The following DNM2 variants were observed in gnomAD, a reference collection of about 807,000 sequenced individuals.
The protein encoded by DNM2 is dynamin 2, also known as dynamin-2.
Under a neutral mutation model 99.0 loss-of-function variants are expected in DNM2, and 15 were observed. That is an observed-to-expected ratio of 0.15 (90% CI 0.10 to 0.23). The LOEUF (loss-of-function observed/expected upper bound fraction) is 0.23. Ranked by LOEUF, DNM2 falls within the 10% of genes least tolerant of loss-of-function variation. The probability of loss-of-function intolerance (pLI) is 1.00; values close to 1 mark genes in which losing one functional copy is unlikely to be tolerated. For missense variants in DNM2, 742 were observed against 1,189.4 expected (o/e 0.62, Z 5.53); for synonymous variants, 525 against 481.2 (o/e 1.09, Z -1.19).
intron 6 of DNM2, among the ~76,000 whole-genome samples, chr19:10,784,112 T>C (rs931555942): frequency 2.6e-5 from 4 of 152,156 alleles, no homozygotes; most frequent in African/African-American, 9.7e-5. Flanking sequence ...TCCTCCTCGC[T>C]GTTTTCTAGC....
At position 10,824,110 on chromosome 19, in the gene DNM2, G is replaced by A. The variant is rs570276655; in HGVS notation, c.1893+211G>A. On this transcript the variant is annotated intron_variant, in intron 17 of 20. Coordinates refer to ENST00000389253, the MANE Select transcript of DNM2 (RefSeq NM_001005361.3). ...TTCCCTCACGGAAGCCAGTGACCGG[G>A]GCACACAGGGGATGGGGTCCCACTT... The A allele has an allele frequency of 2.2e-4, 126 of 585,146 alleles. 2 individuals are homozygous for A. In the African/African-American group the frequency reaches 2.3e-3, roughly 11 times the overall value. The allele number at this position is 585,146 out of a possible 1,614,324, so 36.2% of individuals were successfully genotyped here.
At chr19:10,819,460 C>G (rs2072895116) in intron 15 of DNM2, among the ~76,000 whole-genome samples, 1 of 152,134 alleles carries the variant, frequency 6.6e-6, no homozygotes, top group South Asian at 2.1e-4. Context: ...GATAAAAGTT[C>G]CATTCACTTC....
intron 6 of DNM2, 48 bp downstream of exon 6, chr19:10,783,168 T>C (rs766371794): frequency 6.3e-7 from 1 of 1,598,794 alleles, no homozygotes; most frequent in Non-Finnish European, 8.5e-7. Context: ...GGCTGTGCAC[T>C]GCACAACAGC....
In DNM2 at chr19:10,718,408, G is replaced by C; in HGVS notation, c.161+5G>C. The C allele has an allele frequency of 6.8e-7, 1 of 1,467,270 alleles. No individual in the cohort carries two copies. The highest frequency in any genetic ancestry group is 1.4e-5 in the African/African-American group (1 of 69,090). 90.9% of individuals were successfully genotyped at this position (1,467,270 alleles called of 1,614,324 possible). ...GCTGGAGAACTTCGTGGGCCGGTGAGCGGGCGCGGCAGGGATCGCGGGCGG... is the reference window on the plus strand; with the variant it reads ...GCTGGAGAACTTCGTGGGCCGGTGACCGGGCGCGGCAGGGATCGCGGGCGG... On this transcript the variant is annotated splice_donor_5th_base_variant and intron_variant, in intron 1 of 20. Transcript: ENST00000389253.
intron 1 of DNM2, among the ~76,000 whole-genome samples, chr19:10,728,678 G>C (rs1026740282): frequency 6.6e-6 from 1 of 152,056 alleles, no homozygotes; most frequent in Non-Finnish European, 1.5e-5. Flanking sequence ...GCAGGCACAG[G>C]GGCTCACACC....
At chr19:10,738,964 T>G (rs1599449719) in intron 1 of DNM2, among the ~76,000 whole-genome samples, 1 of 151,222 alleles carries the variant, frequency 6.6e-6, no homozygotes, top group Non-Finnish European at 1.5e-5. Flanking sequence ...GTCAGGAGAT[T>G]GAGACCATCC....
At chr19:10,723,114 A>G (rs1057304091) in intron 1 of DNM2, among the ~76,000 whole-genome samples, 1 of 144,994 alleles carries the variant, frequency 6.9e-6, no homozygotes, top group Non-Finnish European at 1.5e-5. Context: ...TACAGTTGCG[A>G]GCCACCACAC....
rs986922874 is a variant in DNM2, at chr19:10,812,736, G to A, written c.1671+359G>A. Among the ~76,000 whole-genome samples the A allele has an allele frequency of 3.9e-5, 6 of 152,170 alleles. No homozygotes were observed. Among genetic ancestry groups the A allele is most frequent in the Non-Finnish European group, 8.8e-5 (6 of 68,024 alleles). ...CGGGAGGCGGAGGTTGCAGTGAGCC[G>A]AGATTGCGCCACTGCACTCCAGCCT... On this transcript the variant is annotated intron_variant, in intron 15 of 20. Transcript: ENST00000389253. The surrounding 1 kb of genome is among the most constrained non-coding windows in gnomAD (Gnocchi z 4.0).
intron 1 of DNM2, among the ~76,000 whole-genome samples, chr19:10,718,814 GGCTTGTTCTTGTATCT>G (rs1420674436): frequency 1.3e-5 from 2 of 152,252 alleles, no homozygotes; most frequent in Non-Finnish European, 2.9e-5. Context: ...CGGTCTGGCT[GGCTTGTTCTTGTATCT>G]GGAGCTGCCC....
intron 1 of DNM2, among the ~76,000 whole-genome samples, chr19:10,749,391 C>G (rs1490719708): frequency 6.6e-6 from 1 of 152,246 alleles, no homozygotes; most frequent in Non-Finnish European, 1.5e-5. Flanking sequence ...CCCAGCTGCA[C>G]CCTTCCCTGC....
chr19:10,755,544 T>G (rs1205111271), intron 1 of DNM2: 1 of 148,342 alleles, frequency 6.7e-6, no homozygotes, highest in Non-Finnish European at 1.5e-5. Flanking sequence ...CACTGCAACC[T>G]CTGCCTTCCA....
At chr19:10,776,866 A>G (rs1366606035) in intron 4 of DNM2, among the ~76,000 whole-genome samples, 1 of 152,264 alleles carries the variant, frequency 6.6e-6, no homozygotes, top group East Asian at 1.9e-4. Context: ...CACAAATGAC[A>G]ATAACGGCCA....
intron 4 of DNM2, among the ~76,000 whole-genome samples, 168 bp downstream of exon 4, chr19:10,776,074 A>G (rs1426327462): frequency 6.6e-6 from 1 of 151,940 alleles, no homozygotes; most frequent in East Asian, 1.9e-4. Flanking sequence ...GCTGGTGGGC[A>G]TCCCCTGGGA....
Position 10,830,748 on chromosome 19 carries a change from G to A in DNM2, c.2544-230G>A, listed in dbSNP as rs939577546. On this transcript the variant is annotated intron_variant, in intron 20 of 20. Transcript: ENST00000389253. This position sits in a 1 kb window ranked among gnomAD's most constrained non-coding sequence, Gnocchi z 4.8. ...CTTTATTCTCCCCACTTCTCCGGTGGGGAAGCTGAGGCCCAGGGAGGGCAG... is the reference window on the plus strand; with the variant it reads ...CTTTATTCTCCCCACTTCTCCGGTGAGGAAGCTGAGGCCCAGGGAGGGCAG... 1.3e-5 allele frequency among the ~76,000 whole-genome samples: 2 copies of A among 152,166 alleles called. No homozygotes were observed. The highest frequency in any genetic ancestry group is 4.8e-5 in the African/African-American group (2 of 41,428).
chr19:10,807,129 G>A (rs774349555), intron 13 of DNM2, among the ~76,000 whole-genome samples: 1 of 152,304 alleles, frequency 6.6e-6, no homozygotes, highest in African/African-American at 2.4e-5. Context: ...CTGCAGTGCA[G>A]TGGCGCAATC....
At chr19:10,803,649 A>G in intron 12 of DNM2, 5 of 986,180 alleles carry the variant, frequency 5.1e-6, no homozygotes, top group Non-Finnish European at 6.0e-6. Flanking sequence ...CTGTTACTAT[A>G]CTGAGCAGCT....
At chr19:10,770,253 C>T (rs189032919) in intron 2 of DNM2, among the ~76,000 whole-genome samples, 12 of 152,284 alleles carry the variant, frequency 7.9e-5, no homozygotes, top group African/African-American at 2.9e-4. Flanking sequence ...TATGGCATGG[C>T]TGTGTTATTC....
In DNM2 at chr19:10,808,691, T is replaced by C. The variant is rs908715256; in HGVS notation, c.1557+111T>C. ...CATCCCCTCCAAATAACAAAAATAC[T>C]AAAAATCGAGCTAACCTGGAAACCC... On this transcript the variant is annotated intron_variant, in intron 14 of 20. Coordinates refer to ENST00000389253, the MANE Select transcript of DNM2 (RefSeq NM_001005361.3). 2.9e-6 allele frequency: 4 copies of C among 1,363,818 alleles called. No homozygotes were observed. In the African/African-American group the frequency reaches 5.9e-5, roughly 20 times the overall value. The allele number at this position is 1,363,818 out of a possible 1,614,324, so 84.5% of individuals were successfully genotyped here. A position where few individuals can be genotyped will look rare whatever the true frequency, so the allele number is the denominator to read the frequency against.
chr19:10,740,400 G>A (rs2069700626), intron 1 of DNM2, among the ~76,000 whole-genome samples: 1 of 151,050 alleles, frequency 6.6e-6, no homozygotes, highest in African/African-American at 2.4e-5. Context: ...TTTTGAGACG[G>A]AGTCTCGCTC....
Sources: allele counts gnomAD v4.1 joint callset (sites outside exome capture counted in the v4.1 genomes callset), GRCh38; gene constraint gnomAD v4.1.1; non-coding constraint Gnocchi (gnomAD v3.1); transcripts MANE v1.5; gene names NCBI Gene and HGNC (gene_info 2026-07-23, HGNC 2026-07-21).